Variants in STK32B observed in about 807,000 individuals in gnomAD.
STK32B encodes serine/threonine-protein kinase 32B.
Under a neutral mutation model 52.6 loss-of-function variants are expected in STK32B, and 43 were observed. That is an observed-to-expected ratio of 0.82 (90% CI 0.64 to 1.05). STK32B has a LOEUF of 1.05. Ranked by LOEUF, STK32B falls within the 50% of genes least tolerant of loss-of-function variation. The pLI is 0.00. For missense variants in STK32B, 621 were observed against 534.6 expected, an observed-to-expected ratio of 1.16 and a Z score of -1.59; for synonymous variants, 238 against 204.3, an observed-to-expected ratio of 1.17 and a Z score of -1.41.
At position 5,409,117 on chromosome 4, in the gene STK32B, C is replaced by G. The variant is rs1737860327; in HGVS notation, c.473-7728C>G. On this transcript the variant is annotated intron_variant, in intron 5 of 11. Transcript: ENST00000282908. ...CTCCATCTATTGAGATTGTTCTGCC[C>G]CCAAAAAGATGGCCTCTGCTTGGCT... Among the ~76,000 whole-genome samples the G allele has an allele frequency of 2.0e-5, 3 of 152,180 alleles. No homozygotes were observed. The South Asian group carries it at 6.2e-4, about 32-fold the overall frequency.
intron 1 of STK32B, among the ~76,000 whole-genome samples, chr4:5,122,097 C>T (rs191448206): frequency 0.03 from 4,490 of 151,146 alleles, 124 homozygotes; most frequent in African/African-American, 0.069. Context: ...CTCATTTACT[C>T]ACTCATTCAC....
rs77621822 is a variant in STK32B, at chr4:5,289,107, T to C, written c.261-42113T>C. Among the ~76,000 whole-genome samples, 66 of 152,340 alleles carry C rather than the reference T, an allele frequency of 4.3e-4. 2 individuals are homozygous for C. The East Asian group carries it at 0.012, about 27-fold the overall frequency. ...TATACTTGCACAAATTTTGATGATA[T>C]AGGGTACTACATACCTAGGCTATAT... On this transcript the variant is annotated intron_variant, in intron 3 of 11. Coordinates refer to ENST00000282908, the MANE Select transcript of STK32B (RefSeq NM_018401.3).
At chr4:5,427,710 A>C (rs1168310603) in intron 6 of STK32B, among the ~76,000 whole-genome samples, 3 of 152,052 alleles carry the variant, frequency 2.0e-5, no homozygotes, top group Non-Finnish European at 4.4e-5. Flanking sequence ...ATATCCCCTT[A>C]TTATCCTTTT....
intron 1 of STK32B, among the ~76,000 whole-genome samples, chr4:5,131,793 G>T (rs1026002716): frequency 6.6e-6 from 1 of 152,174 alleles, no homozygotes; most frequent in East Asian, 1.9e-4. Flanking sequence ...TGACCACCCT[G>T]TCTAAAATTG....
intron 2 of STK32B, chr4:5,140,400 C>G (rs992121964): frequency 1.2e-5 from 11 of 906,926 alleles, no homozygotes; most frequent in African/African-American, 3.5e-5. Context: ...CAAAAATACT[C>G]CCCCCAGTCA....
At chr4:5,226,224 C>G (rs766522358) in intron 3 of STK32B, among the ~76,000 whole-genome samples, 8 of 152,138 alleles carry the variant, frequency 5.3e-5, no homozygotes, top group Non-Finnish European at 1.0e-4. Flanking sequence ...ACAAAAGTTG[C>G]TATTTTTTTG....
chr4:5,130,613 T>C (rs1715706367), intron 1 of STK32B, among the ~76,000 whole-genome samples: 1 of 152,086 alleles, frequency 6.6e-6, no homozygotes, highest in Non-Finnish European at 1.5e-5. Flanking sequence ...AAATAACCCC[T>C]TTCCAAAACC....
chr4:5,095,410 T>G (rs1577064744), intron 1 of STK32B, among the ~76,000 whole-genome samples: 1 of 151,406 alleles, frequency 6.6e-6, no homozygotes, highest in African/African-American at 2.4e-5. Context: ...AGGCCAGGAG[T>G]TCAAGACCAG....
At chr4:5,305,977 G>C (rs142093247) in intron 3 of STK32B, among the ~76,000 whole-genome samples, 1 of 152,180 alleles carries the variant, frequency 6.6e-6, no homozygotes, top group African/African-American at 2.4e-5. Context: ...GATCATTCAG[G>C]AGCAGGTTAT....
At chr4:5,208,758 C>A (rs756157219) in intron 3 of STK32B, among the ~76,000 whole-genome samples, 26 of 152,146 alleles carry the variant, frequency 1.7e-4, no homozygotes, top group Non-Finnish European at 1.2e-4. Context: ...ATGATCGCCC[C>A]ATGGTGGGAA....
At chr4:5,481,968 T>A (rs1451117501) in intron 11 of STK32B, among the ~76,000 whole-genome samples, 1 of 152,228 alleles carries the variant, frequency 6.6e-6, no homozygotes, top group Non-Finnish European at 1.5e-5. Flanking sequence ...ACCAGTACCA[T>A]GCTGTTTTGG....
chr4:5,215,054 C>A (rs1412402641), intron 3 of STK32B, among the ~76,000 whole-genome samples: 1 of 152,164 alleles, frequency 6.6e-6, no homozygotes, highest in African/African-American at 2.4e-5. Context: ...TATTGAAAAT[C>A]TAAACATTGC....
At chr4:5,107,804 T>C (rs1337347863) in intron 1 of STK32B, among the ~76,000 whole-genome samples, 1 of 152,182 alleles carries the variant, frequency 6.6e-6, no homozygotes, top group African/African-American at 2.4e-5. Context: ...AATGAGTTTT[T>C]TTCTCTTTTA....
At chr4:5,493,308 GA>G (rs1192338131) in intron 11 of STK32B, among the ~76,000 whole-genome samples, 1 of 152,150 alleles carries the variant, frequency 6.6e-6, no homozygotes, top group Non-Finnish European at 1.5e-5. Context: ...TTAGTCTTGG[GA>G]GGGTGTATGT....
In STK32B at chr4:5,408,221, T is replaced by C. The variant is rs149939665; in HGVS notation, c.473-8624T>C. Among the ~76,000 whole-genome samples, 92 of 152,302 alleles carry C rather than the reference T, an allele frequency of 6.0e-4. 1 individual carries two copies. The highest frequency in any genetic ancestry group is 2.2e-3 in the African/African-American group (90 of 41,544). ...TAATCCTTCTGGTATGGTTTGGATC[T>C]GTGTCTTCCCCCAAATCTCATGTCA... On this transcript the variant is annotated intron_variant, in intron 5 of 11. Coordinates refer to ENST00000282908, the MANE Select transcript of STK32B (RefSeq NM_018401.3).
At chr4:5,122,137 C>T (rs1715061434) in intron 1 of STK32B, among the ~76,000 whole-genome samples, 1 of 152,142 alleles carries the variant, frequency 6.6e-6, no homozygotes. Flanking sequence ...CTGTTTCACT[C>T]ACACACTCAT....
In STK32B at chr4:5,168,424, G is replaced by T; in HGVS notation, c.234G>T (p.Leu78=). Residue 78 remains leucine (L), a synonymous_variant, in exon 3 of 12, where the codon CTG becomes CTT. Transcript: ENST00000282908. ...GGGAGCTGCAGATCATGCAAGGGCT[G>T]GAGCACCCCTTCCTGGTCAATCTGT... is the stretch of plus-strand genomic sequence containing the variant. ...VFRELQIMQG[L]EHPFLVNLWY... is the part of the protein sequence containing the mutation. 1 of 1,613,718 alleles carries T rather than the reference G, an allele frequency of 6.2e-7. No individual in the cohort carries two copies. The highest frequency in any genetic ancestry group is 8.5e-7 in the Non-Finnish European group (1 of 1,179,888).
rs1440812580 is a variant in STK32B at position 5,396,736 on chromosome 4, A to G, written c.435-1471A>G. 1.3e-5 allele frequency among the ~76,000 whole-genome samples: 2 copies of G among 152,186 alleles called. No individual in the cohort carries two copies. The highest frequency in any genetic ancestry group is 2.9e-5 in the Non-Finnish European group (2 of 68,034). Reference sequence around the variant, plus strand: ...CTTGAACATTTGCTGCTGTGTTTTCATTCTTGACATGTATTTTATTATCTC... The same window carrying G: ...CTTGAACATTTGCTGCTGTGTTTTCGTTCTTGACATGTATTTTATTATCTC... On this transcript the variant is annotated intron_variant, in intron 4 of 11. Coordinates refer to ENST00000282908, the MANE Select transcript of STK32B (RefSeq NM_018401.3). The surrounding 1 kb of genome is among the most constrained non-coding windows in gnomAD (Gnocchi z 4.7).
At chr4:5,282,510 A>G (rs186621700) in intron 3 of STK32B, among the ~76,000 whole-genome samples, 2 of 152,286 alleles carry the variant, frequency 1.3e-5, no homozygotes, top group Admixed American at 1.3e-4. Flanking sequence ...CATGGATGTG[A>G]TATTTCTCAA....
Sources: allele counts gnomAD v4.1 joint callset (sites outside exome capture counted in the v4.1 genomes callset), GRCh38; gene constraint gnomAD v4.1.1; non-coding constraint Gnocchi (gnomAD v3.1); transcripts MANE v1.5; gene names NCBI Gene and HGNC (gene_info 2026-07-23, HGNC 2026-07-21).